Variants in NOL4 observed in about 807,000 individuals in gnomAD.
NOL4 encodes the protein nucleolar protein 4.
NOL4 carries 17 observed loss-of-function variants against 75.9 expected under a neutral mutation model. That is an observed-to-expected ratio of 0.22 (90% confidence interval 0.15 to 0.34). NOL4 has a LOEUF of 0.34. Ranked by LOEUF, NOL4 falls within the 10% of genes least tolerant of loss-of-function variation. NOL4 has a pLI of 1.00. For synonymous variants in NOL4, 292 were observed against 289.9 expected, an observed-to-expected ratio of 1.01 and a Z score of -0.07; for missense variants, 614 against 793.5, an observed-to-expected ratio of 0.77 and a Z score of 2.72.
chr18:34,186,167 T>C (rs1284831049), intron 1 of NOL4, among the ~76,000 whole-genome samples: 2 of 152,178 alleles, frequency 1.3e-5, no homozygotes, highest in African/African-American at 4.8e-5. Context: ...CAAATATGAA[T>C]GTTCTCCATG....
chr18:33,980,946 A>C (rs566255931), intron 6 of NOL4, among the ~76,000 whole-genome samples: 30 of 152,186 alleles, frequency 2.0e-4, no homozygotes, highest in African/African-American at 6.7e-4. Context: ...CTAATAGAAA[A>C]ACTAGACAAC....
In NOL4 at chr18:33,979,236, A is replaced by G. The variant is rs560684675; in HGVS notation, c.1057-20818T>C. On this transcript the variant is annotated intron_variant, in intron 6 of 10. Coordinates refer to ENST00000261592, the MANE Select transcript of NOL4 (RefSeq NM_003787.5). ...TAAGGACCAGGACAAAACATAAACA[A>G]AGTCACCCCCCATTCCCCTTTAGAG... Among the ~76,000 whole-genome samples, 36 of 151,986 alleles carry G rather than the reference A, an allele frequency of 2.4e-4. No homozygotes were observed. The South Asian group carries it at 7.1e-3, about 30-fold the overall frequency.
At chr18:34,014,954 G>T (rs2146365107) in intron 6 of NOL4, among the ~76,000 whole-genome samples, 1 of 151,986 alleles carries the variant, frequency 6.6e-6, no homozygotes, top group African/African-American at 2.4e-5. Flanking sequence ...TGTGAAACAG[G>T]TCAATATTAA....
At chr18:34,044,837 G>A (rs2076291176) in intron 5 of NOL4, among the ~76,000 whole-genome samples, 1 of 152,014 alleles carries the variant, frequency 6.6e-6, no homozygotes, top group South Asian at 2.1e-4. Flanking sequence ...TGTCTATAAT[G>A]GCACCCATGC....
At chr18:34,221,047 T>A (rs2146641073) in intron 1 of NOL4, 1 of 152,312 alleles carries the variant, frequency 6.6e-6, no homozygotes, top group African/African-American at 2.4e-5. Flanking sequence ...GAATTTATGT[T>A]ATTTAAAATA....
rs577513179 is a variant in NOL4 at position 34,141,462 on chromosome 18, C to T, written c.265-11442G>A. 6.4e-3 allele frequency among the ~76,000 whole-genome samples: 945 copies of T among 147,504 alleles called. 8 individuals carry two copies. The highest frequency in any genetic ancestry group is 0.023 in the African/African-American group (904 of 40,124). On this transcript the variant is annotated intron_variant, in intron 1 of 10. Coordinates refer to ENST00000261592, the MANE Select transcript of NOL4 (RefSeq NM_003787.5). ...TATAAGGCTACAGTAACCAAAACAG[C>T]ATGGTACTGGTACCAAAACAGAGAT...
At chr18:34,111,298 G>A (rs2079576746) in intron 2 of NOL4, among the ~76,000 whole-genome samples, 1 of 152,078 alleles carries the variant, frequency 6.6e-6, no homozygotes, top group Non-Finnish European at 1.5e-5. Flanking sequence ...AAATTTCATA[G>A]CAATAAAACA....
intron 9 of NOL4, among the ~76,000 whole-genome samples, chr18:33,926,699 C>A (rs1187881408): frequency 1.3e-5 from 2 of 152,122 alleles, no homozygotes; most frequent in Non-Finnish European, 2.9e-5. Flanking sequence ...CTCCCAGGTT[C>A]AAGCAATTCT....
At chr18:34,189,387 C>T in intron 1 of NOL4, among the ~76,000 whole-genome samples, 1 of 152,114 alleles carries the variant, frequency 6.6e-6, no homozygotes, top group East Asian at 1.9e-4. Context: ...AAAGGCCCCA[C>T]CTCTGAACAC....
At chr18:33,898,231 A>AT (rs1032005614) in intron 9 of NOL4, among the ~76,000 whole-genome samples, 14 of 152,064 alleles carry the variant, frequency 9.2e-5, no homozygotes, top group African/African-American at 3.4e-4. Flanking sequence ...TTCCTAAATT[A>AT]TTTTTTTCTT....
At chr18:34,041,512 G>GAA (rs11454269) in intron 5 of NOL4, among the ~76,000 whole-genome samples, 32 of 146,866 alleles carry the variant, frequency 2.2e-4, no homozygotes, top group East Asian at 1.2e-3. Flanking sequence ...TAGCTAAAAT[G>GAA]AAAAAAAAAA....
intron 10 of NOL4, among the ~76,000 whole-genome samples, chr18:33,853,898 A>T (rs1490053132): frequency 6.6e-6 from 1 of 152,100 alleles, no homozygotes; most frequent in Non-Finnish European, 1.5e-5. Flanking sequence ...AGTATTTATA[A>T]AGTTATTTAA....
At chr18:34,214,322 G>C (rs914134823) in intron 1 of NOL4, among the ~76,000 whole-genome samples, 1 of 138,874 alleles carries the variant, frequency 7.2e-6, no homozygotes, top group African/African-American at 2.9e-5. Context: ...AGTTTATAAT[G>C]GGTTAAGTAT....
At chr18:34,167,569 C>G (rs150053548) in intron 1 of NOL4, among the ~76,000 whole-genome samples, 1 of 91,608 alleles carries the variant, frequency 1.1e-5, no homozygotes, top group Non-Finnish European at 2.5e-5. Flanking sequence ...GATAGACAGA[C>G]AGACAGATAG....
At chr18:33,864,378 C>G (rs934664214) in intron 10 of NOL4, among the ~76,000 whole-genome samples, 1 of 152,170 alleles carries the variant, frequency 6.6e-6, no homozygotes, top group Admixed American at 6.5e-5. Flanking sequence ...AATTTCAGAT[C>G]ATCCCTCTCA....
chr18:33,912,428 T>C (rs1417586881), intron 9 of NOL4, among the ~76,000 whole-genome samples: 1 of 152,044 alleles, frequency 6.6e-6, no homozygotes, highest in Non-Finnish European at 1.5e-5. Context: ...TCAGGATAGG[T>C]ACATTAAGTT....
At chr18:34,180,073 T>A (rs990235756) in intron 1 of NOL4, among the ~76,000 whole-genome samples, 1 of 151,626 alleles carries the variant, frequency 6.6e-6, no homozygotes, top group African/African-American at 2.4e-5. Context: ...AGAATTAACA[T>A]CTTCTCTTTA....
chr18:34,185,185 A>G (rs144136035), intron 1 of NOL4, among the ~76,000 whole-genome samples: 1 of 152,278 alleles, frequency 6.6e-6, no homozygotes, highest in East Asian at 1.9e-4. Context: ...AAAACTGTCA[A>G]TTGTGAAGGA....
chr18:34,144,214 A>C (rs2146026183), intron 1 of NOL4, among the ~76,000 whole-genome samples: 1 of 152,254 alleles, frequency 6.6e-6, no homozygotes, highest in South Asian at 2.1e-4. Flanking sequence ...ATATCATTCA[A>C]CCTTTGGTAA....
Sources: gnomAD v4.1 joint callset for allele counts (sites outside exome capture counted in the v4.1 genomes callset) on GRCh38, gnomAD v4.1.1 for gene constraint, MANE v1.5 for transcripts, NCBI Gene and HGNC (gene_info 2026-07-23, HGNC 2026-07-21) for gene names.